The following NPAS3 variants were observed in gnomAD, a reference collection of about 807,000 sequenced individuals.
NPAS3 encodes neuronal PAS domain-containing protein 3.
A neutral mutation model predicts 73.1 loss-of-function variants in NPAS3; 14 were observed. The ratio of observed to expected loss-of-function variants is 0.19; its 90% CI spans 0.13 to 0.30. NPAS3 has a LOEUF of 0.30. Ranked by LOEUF, NPAS3 falls within the 10% of genes least tolerant of loss-of-function variation. NPAS3 has a pLI of 1.00. For missense variants in NPAS3, 1,096 were observed against 1,250.0 expected (o/e 0.88, Z 1.86); for synonymous variants, 620 against 541.5 (o/e 1.14, Z -2.01).
intron 3 of NPAS3, among the ~76,000 whole-genome samples, chr14:33,271,490 G>C (rs1239496304): frequency 6.6e-6 from 1 of 152,114 alleles, no homozygotes. Flanking sequence ...CAGGAGGTCA[G>C]AAAGAGTCCT....
At chr14:33,623,428 G>A (rs1765727329) in intron 5 of NPAS3, among the ~76,000 whole-genome samples, 1 of 152,178 alleles carries the variant, frequency 6.6e-6, no homozygotes, top group Admixed American at 6.5e-5. Flanking sequence ...ATCAGCATTT[G>A]GACGCAGCTT....
chr14:33,536,723 T>C (rs1475224095), intron 4 of NPAS3, among the ~76,000 whole-genome samples: 4 of 152,226 alleles, frequency 2.6e-5, no homozygotes, highest in African/African-American at 9.6e-5. Flanking sequence ...TTTAAAATTC[T>C]ACTTTCAGAT....
chr14:32,988,868 A>T (rs1595161795), intron 1 of NPAS3, among the ~76,000 whole-genome samples: 1 of 152,216 alleles, frequency 6.6e-6, no homozygotes, highest in Non-Finnish European at 1.5e-5. Flanking sequence ...TATGTAACCC[A>T]TGGCACAACT....
chr14:33,613,237 G>GAGTT (rs1323908735), intron 5 of NPAS3, among the ~76,000 whole-genome samples: 1 of 152,106 alleles, frequency 6.6e-6, no homozygotes, highest in Non-Finnish European at 1.5e-5. Flanking sequence ...TTCAGAAGAG[G>GAGTT]AGTTACCCTG....
intron 5 of NPAS3, among the ~76,000 whole-genome samples, chr14:33,590,170 G>A (rs1179496548): frequency 6.6e-6 from 1 of 152,122 alleles, no homozygotes. Context: ...TATTTGCTAT[G>A]TAAAAAAAGG....
At chr14:33,776,260 G>A (rs893083693) in intron 8 of NPAS3, among the ~76,000 whole-genome samples, 1 of 152,058 alleles carries the variant, frequency 6.6e-6, no homozygotes, top group African/African-American at 2.4e-5. Context: ...ATCAGAGGAT[G>A]GACTGTGGCT....
intron 4 of NPAS3, among the ~76,000 whole-genome samples, chr14:33,381,921 G>A (rs761995219): frequency 6.6e-6 from 1 of 152,076 alleles, no homozygotes. Context: ...TAGCCGGTGG[G>A]CTGTATTGAA....
intron 3 of NPAS3, among the ~76,000 whole-genome samples, chr14:33,361,494 A>G (rs886143438): frequency 9.2e-5 from 14 of 152,210 alleles, no homozygotes; most frequent in Non-Finnish European, 1.6e-4. Flanking sequence ...CTTTAAGAAA[A>G]GCAGACATGG....
chr14:33,301,316 ATATATATTTT>A lies in NPAS3; in HGVS notation c.386-65868_386-65859del, dbSNP rs1213851936. Among the ~76,000 whole-genome samples the A allele has an allele frequency of 2.6e-4, 25 of 97,544 alleles. 6 individuals carry two copies. The highest frequency in any genetic ancestry group is 4.3e-4 in the Non-Finnish European group (22 of 50,882). 64.0% of individuals were successfully genotyped at this position (97,544 alleles called of 152,430 possible). On this transcript the variant is annotated intron_variant, in intron 3 of 11. Coordinates refer to ENST00000356141, the Ensembl canonical transcript of NPAS3. ...ACCTAGGTTTTATCATTATATATAT[ATATATATTTT>A]TTTTTTTTAAATCTAGCTGTAATGG... is the stretch of plus-strand genomic sequence containing the variant.
intron 5 of NPAS3, among the ~76,000 whole-genome samples, chr14:33,580,948 C>T (rs2056641900): frequency 6.6e-6 from 1 of 152,308 alleles, no homozygotes. Context: ...CCCAAGTATT[C>T]ATCCCACACA....
rs570233110 is a variant in NPAS3, at chr14:33,183,023, C to T, written c.141-32159C>T. Among the ~76,000 whole-genome samples the T allele has an allele frequency of 1.6e-3, 240 of 152,306 alleles. 1 individual carries two copies. Among genetic ancestry groups the T allele is most frequent in the Non-Finnish European group, 2.4e-3 (163 of 68,024 alleles). On this transcript the variant is annotated intron_variant, in intron 2 of 11. Transcript: ENST00000356141. The stretch of plus-strand genomic sequence containing the variant: ...TCCCTTCTTCAAGAAAATATCTCTT[C>T]CTTGGACTCTTGTCACGCCTTTCTT...
At chr14:32,939,623 CA>C (rs752795909) in intron 1 of NPAS3, among the ~76,000 whole-genome samples, 26,323 of 109,508 alleles carry the variant, frequency 0.24, 2,853 homozygotes, top group Middle Eastern at 0.41. Context: ...GACTCACTGA[CA>C]AAAAAAAAAA....
At chr14:33,112,979 A>T (rs2042945889) in intron 2 of NPAS3, among the ~76,000 whole-genome samples, 1 of 152,166 alleles carries the variant, frequency 6.6e-6, no homozygotes, top group African/African-American at 2.4e-5. Flanking sequence ...ATAGTTGTAG[A>T]TATGCGGCAT....
chr14:33,641,472 T>C (rs1290268073), intron 5 of NPAS3, among the ~76,000 whole-genome samples: 1 of 152,236 alleles, frequency 6.6e-6, no homozygotes, highest in African/African-American at 2.4e-5. Flanking sequence ...AACTCTTAAG[T>C]TTGTCATGTA....
At chr14:33,569,166 C>T (rs2056098846) in intron 5 of NPAS3, among the ~76,000 whole-genome samples, 1 of 152,206 alleles carries the variant, frequency 6.6e-6, no homozygotes, top group Non-Finnish European at 1.5e-5. Flanking sequence ...TCCTTTCAGG[C>T]TCCTACAGCT....
chr14:33,069,499 T>G (rs1364774427), intron 2 of NPAS3, among the ~76,000 whole-genome samples: 1 of 152,218 alleles, frequency 6.6e-6, no homozygotes, highest in Non-Finnish European at 1.5e-5. Flanking sequence ...GGTGGGTAAG[T>G]GTGCAGGCTA....
At chr14:33,225,859 A>G (rs974852713) in intron 3 of NPAS3, among the ~76,000 whole-genome samples, 7 of 152,198 alleles carry the variant, frequency 4.6e-5, no homozygotes, top group Admixed American at 1.3e-4. Flanking sequence ...GGTAGAAAGC[A>G]TACTTTGAGT....
intron 2 of NPAS3, among the ~76,000 whole-genome samples, chr14:33,158,147 G>A (rs11628634): frequency 0.56 from 85,623 of 152,094 alleles, 24,221 homozygotes; most frequent in East Asian, 0.71. Flanking sequence ...TTGAGCAGTG[G>A]TAGTCCGTTA....
chr14:33,739,726 G>T (rs1233674541), intron 7 of NPAS3, among the ~76,000 whole-genome samples: 1 of 152,144 alleles, frequency 6.6e-6, no homozygotes, highest in Non-Finnish European at 1.5e-5. Context: ...TCCATTGATT[G>T]CAGGTTACAA....
Sources: allele counts gnomAD v4.1 joint callset (sites outside exome capture counted in the v4.1 genomes callset), GRCh38; gene constraint gnomAD v4.1.1; transcripts MANE v1.5; gene names NCBI Gene and HGNC (gene_info 2026-07-23, HGNC 2026-07-21).